Variants in BACH2 observed in about 807,000 individuals in gnomAD.
BACH2 encodes transcription regulator protein BACH2.
In BACH2, 5 loss-of-function variants were observed where a neutral mutation model predicts 61.8. The observed-to-expected ratio is 0.08, with a 90% CI of 0.04 to 0.17. The LOEUF (loss-of-function observed/expected upper bound fraction) is 0.17. Among genes scored for constraint, BACH2 ranks in the 10% least tolerant of loss-of-function variants. The pLI is 1.00. For synonymous variants in BACH2, 446 were observed against 440.1 expected, an observed-to-expected ratio of 1.01 and a Z score of -0.17; for missense variants, 824 against 1,091.1, an observed-to-expected ratio of 0.76 and a Z score of 3.45.
chr6:89,957,238 A>G (rs1774473328), intron 6 of BACH2, among the ~76,000 whole-genome samples: 1 of 152,234 alleles, frequency 6.6e-6, no homozygotes, highest in Non-Finnish European at 1.5e-5. Flanking sequence ...AAACTGACTT[A>G]GTGATCAGGC....
intron 4 of BACH2, among the ~76,000 whole-genome samples, chr6:90,184,727 T>C (rs1286979496): frequency 6.6e-6 from 1 of 152,168 alleles, no homozygotes; most frequent in African/African-American, 2.4e-5. Flanking sequence ...TCCTGGGAAG[T>C]CCCTGCAGAC....
intron 4 of BACH2, among the ~76,000 whole-genome samples, chr6:90,119,908 G>A (rs189266353): frequency 3.9e-5 from 6 of 152,314 alleles, no homozygotes; most frequent in Non-Finnish European, 8.8e-5. Flanking sequence ...AATCTGTGAC[G>A]AGACAATGGG....
At chr6:89,983,212 T>C (rs1319414987) in intron 6 of BACH2, among the ~76,000 whole-genome samples, 1 of 152,250 alleles carries the variant, frequency 6.6e-6, no homozygotes, top group Admixed American at 6.5e-5. Flanking sequence ...TAGGACATCA[T>C]CCTTGCTTCT....
chr6:90,226,140 G>A lies in BACH2; in HGVS notation c.-274-19459C>T, dbSNP rs187271670. Among the ~76,000 whole-genome samples the A allele has an allele frequency of 4.8e-3, 738 of 152,324 alleles. 5 individuals carry two copies. Among genetic ancestry groups the A allele is most frequent in the Admixed American group, 7.8e-3 (120 of 15,304 alleles). The stretch of plus-strand genomic sequence containing the variant: ...GAAAAAGGGGTGAAACCAGGCATCT[G>A]GAGGTGAGAGCCAGGAGGACGGACG... On this transcript the variant is annotated intron_variant, in intron 3 of 8. Coordinates refer to ENST00000257749, the MANE Select transcript of BACH2 (RefSeq NM_021813.4).
At position 90,175,133 on chromosome 6, in the gene BACH2, T is replaced by A. The variant is rs185137464; in HGVS notation, c.-162+31436A>T. Among the ~76,000 whole-genome samples, 10 of 152,192 alleles carry A rather than the reference T, an allele frequency of 6.6e-5. No homozygotes were observed. The East Asian group carries it at 1.9e-3, about 29-fold the overall frequency. On this transcript the variant is annotated intron_variant, in intron 4 of 8. Transcript: ENST00000257749. ...CCTTCCACATGTATGATATACTTCA[T>A]AATCTAAAGAAGTAAATGAACCTGA...
chr6:90,235,443 T>G (rs2127862011), intron 3 of BACH2, among the ~76,000 whole-genome samples: 1 of 152,318 alleles, frequency 6.6e-6, no homozygotes, highest in African/African-American at 2.4e-5. Flanking sequence ...CATTCAAGAA[T>G]TAGCCATTAT....
intron 2 of BACH2, among the ~76,000 whole-genome samples, chr6:90,264,096 C>A (rs1211137585): frequency 6.6e-6 from 1 of 152,174 alleles, no homozygotes; most frequent in East Asian, 1.9e-4. Flanking sequence ...TTTAAGGAAC[C>A]AAACAGGAGT....
chr6:90,060,546 A>G (rs1311205938), intron 5 of BACH2, among the ~76,000 whole-genome samples: 1 of 152,052 alleles, frequency 6.6e-6, no homozygotes, highest in Non-Finnish European at 1.5e-5. Context: ...TTTGTAGTCT[A>G]TATTTAAGTT....
intron 5 of BACH2, among the ~76,000 whole-genome samples, chr6:90,084,266 G>A (rs1192594229): frequency 1.3e-5 from 2 of 152,034 alleles, no homozygotes; most frequent in African/African-American, 4.8e-5. Flanking sequence ...GATCCCACTA[G>A]GGTCTGTCTT....
intron 4 of BACH2, among the ~76,000 whole-genome samples, chr6:90,172,318 A>G (rs1767843320): frequency 6.6e-6 from 1 of 151,932 alleles, no homozygotes; most frequent in Admixed American, 6.5e-5. Context: ...AAAAAAAAAA[A>G]AAAAAGACAT....
At chr6:90,098,846 AACTG>A (rs1479584800) in intron 4 of BACH2, among the ~76,000 whole-genome samples, 1 of 152,144 alleles carries the variant, frequency 6.6e-6, no homozygotes. Flanking sequence ...CTTCTGGTCC[AACTG>A]ACTGTCAACA....
At chr6:90,057,922 AT>A (rs1181369776) in intron 5 of BACH2, among the ~76,000 whole-genome samples, 2 of 152,188 alleles carry the variant, frequency 1.3e-5, no homozygotes, top group South Asian at 2.1e-4. Context: ...AAATTCAACA[AT>A]GCTTCATGCT....
At chr6:90,156,192 T>TA (rs200348771) in intron 4 of BACH2, among the ~76,000 whole-genome samples, 1,758 of 151,928 alleles carry the variant, frequency 0.012, 24 homozygotes, top group African/African-American at 0.028. Flanking sequence ...TCGAGTGGTG[T>TA]AAAAAAAACG....
At chr6:90,295,391 C>CAA (rs2127896117) in intron 1 of BACH2, among the ~76,000 whole-genome samples, 1 of 152,328 alleles carries the variant, frequency 6.6e-6, no homozygotes, top group Admixed American at 6.5e-5. Flanking sequence ...CGCTTCCCCT[C>CAA]ACGGTCCGAG....
intron 5 of BACH2, among the ~76,000 whole-genome samples, chr6:90,052,387 A>ATTT (rs4053605): frequency 1.4e-4 from 21 of 150,916 alleles, no homozygotes; most frequent in African/African-American, 4.9e-4. Context: ...CTCTATCCTG[A>ATTT]TTTTTTTTTG....
At chr6:90,103,376 G>T (rs147735286) in intron 4 of BACH2, among the ~76,000 whole-genome samples, 1 of 152,200 alleles carries the variant, frequency 6.6e-6, no homozygotes, top group Admixed American at 6.5e-5. Flanking sequence ...CCATGGCGAA[G>T]TGTGTCCGTG....
rs548420035 is a variant in BACH2, at chr6:89,950,175, G to A, written c.1836+95C>T. 1.4e-5 allele frequency: 19 copies of A among 1,403,238 alleles called. No homozygotes were observed. Among genetic ancestry groups the A allele is most frequent in the Middle Eastern group, 1.8e-4 (1 of 5,648 alleles). 86.9% of individuals were successfully genotyped at this position (1,403,238 alleles called of 1,614,324 possible). On this transcript the variant is annotated intron_variant, in intron 7 of 8. Coordinates refer to ENST00000257749, the MANE Select transcript of BACH2 (RefSeq NM_021813.4). The surrounding 1 kb of genome is among the most constrained non-coding windows in gnomAD (Gnocchi z 5.3). ...CTACTGTCATCTTTAATCTTAGCAC[G>A]TAAGAACAATGTGGGAGTGGTGGGG...
chr6:90,059,548 A>G (rs1410168430), intron 5 of BACH2, among the ~76,000 whole-genome samples: 2 of 152,246 alleles, frequency 1.3e-5, no homozygotes, highest in Non-Finnish European at 2.9e-5. Context: ...TAGTTCAACC[A>G]TTGTGGAAGT....
intron 4 of BACH2, among the ~76,000 whole-genome samples, chr6:90,103,207 T>G (rs1277010575): frequency 6.6e-6 from 1 of 151,486 alleles, no homozygotes; most frequent in African/African-American, 2.4e-5. Context: ...TTTGATTGAT[T>G]TAGAAAGTTA....
Sources: gnomAD v4.1 joint callset for allele counts (sites outside exome capture counted in the v4.1 genomes callset) on GRCh38, gnomAD v4.1.1 for gene constraint, Gnocchi (gnomAD v3.1) non-coding constraint, MANE v1.5 for transcripts, NCBI Gene and HGNC (gene_info 2026-07-23, HGNC 2026-07-21) for gene names.